Variants in NPAS3 observed in about 807,000 individuals in gnomAD.
The protein encoded by NPAS3 is neuronal PAS domain protein 3.
A neutral mutation model predicts 73.1 loss-of-function variants in NPAS3; 14 were observed. The observed-to-expected ratio is 0.19, with a 90% CI of 0.13 to 0.30. The LOEUF (loss-of-function observed/expected upper bound fraction) is 0.30. Among genes scored for constraint, NPAS3 ranks in the 10% least tolerant of loss-of-function variants. The pLI, the probability that NPAS3 is intolerant of heterozygous loss-of-function variation, is 1.00. For synonymous variants in NPAS3, 620 were observed against 541.5 expected (o/e 1.14, Z -2.01); for missense variants, 1,096 against 1,250.0 (o/e 0.88, Z 1.86).
chr14:33,661,546 A>G (rs1430488891), intron 5 of NPAS3, among the ~76,000 whole-genome samples: 1 of 152,246 alleles, frequency 6.6e-6, no homozygotes, highest in Non-Finnish European at 1.5e-5. Context: ...AATGAATATT[A>G]CAATACATAT....
chr14:33,400,972 A>T (rs1330741182), intron 4 of NPAS3, among the ~76,000 whole-genome samples: 2 of 151,830 alleles, frequency 1.3e-5, no homozygotes, highest in African/African-American at 4.8e-5. Flanking sequence ...TTGAAAAGTG[A>T]TTCCCAAGTG....
At chr14:33,656,498 C>T (rs1011504639) in intron 5 of NPAS3, among the ~76,000 whole-genome samples, 6 of 152,172 alleles carry the variant, frequency 3.9e-5, no homozygotes, top group South Asian at 2.1e-4. Flanking sequence ...GGTCAAAATG[C>T]ACCCTTCCTT....
chr14:33,766,067 T>G (rs935492200), intron 7 of NPAS3, among the ~76,000 whole-genome samples: 2 of 152,164 alleles, frequency 1.3e-5, no homozygotes, highest in East Asian at 3.8e-4. Flanking sequence ...AAGAACAAAA[T>G]AGGTTTTCCC....
intron 4 of NPAS3, among the ~76,000 whole-genome samples, chr14:33,441,067 C>A (rs545042588): frequency 6.6e-6 from 1 of 152,154 alleles, no homozygotes; most frequent in Non-Finnish European, 1.5e-5. Flanking sequence ...ATTGGACTTG[C>A]ATAAGTCCAC....
chr14:33,475,479 T>C (rs1317963182), intron 4 of NPAS3, among the ~76,000 whole-genome samples: 1 of 150,922 alleles, frequency 6.6e-6, no homozygotes, highest in Admixed American at 6.6e-5. Flanking sequence ...AGCATATCGA[T>C]GCCACAGTCT....
chr14:33,592,267 G>A (rs1435178364), intron 5 of NPAS3, among the ~76,000 whole-genome samples: 1 of 152,060 alleles, frequency 6.6e-6, no homozygotes, highest in Non-Finnish European at 1.5e-5. Flanking sequence ...TTTATCACAT[G>A]GAAAATCATG....
chr14:33,320,277 G>C (rs2043383887), intron 3 of NPAS3, among the ~76,000 whole-genome samples: 1 of 152,082 alleles, frequency 6.6e-6, no homozygotes, highest in Non-Finnish European at 1.5e-5. Flanking sequence ...TGACAGCCTT[G>C]AGAGGATACA....
chr14:33,619,167 T>A (rs1244885574), intron 5 of NPAS3, among the ~76,000 whole-genome samples: 2 of 152,206 alleles, frequency 1.3e-5, no homozygotes, highest in African/African-American at 4.8e-5. Context: ...ATCAGAAAAG[T>A]CAGCTTCATA....
chr14:33,797,663 T>C, intron 11 of NPAS3, 82 bp downstream of exon 11: 2 of 1,421,496 alleles, frequency 1.4e-6, no homozygotes, highest in Non-Finnish European at 1.9e-6. Flanking sequence ...AGGGCCATCA[T>C]CAGAGGCAAA....
At chr14:33,000,044 T>G (rs1262094332) in intron 1 of NPAS3, among the ~76,000 whole-genome samples, 1 of 152,200 alleles carries the variant, frequency 6.6e-6, no homozygotes, top group Non-Finnish European at 1.5e-5. Context: ...CCCTTCACTC[T>G]GCTGGGGGAA....
chr14:33,016,097 C>T (rs1045410669), intron 1 of NPAS3, among the ~76,000 whole-genome samples: 8 of 151,898 alleles, frequency 5.3e-5, no homozygotes, highest in African/African-American at 1.7e-4. Flanking sequence ...GATGCTTTGC[C>T]CTAAAAAACA....
At chr14:33,641,625 G>A (rs915639799) in intron 5 of NPAS3, among the ~76,000 whole-genome samples, 6 of 151,790 alleles carry the variant, frequency 4.0e-5, no homozygotes, top group Non-Finnish European at 7.4e-5. Flanking sequence ...CCTCTCTCCT[G>A]ATGGAGAGCA....
At chr14:33,710,525 TCTC>T (rs1237290309) in intron 6 of NPAS3, among the ~76,000 whole-genome samples, 1 of 152,166 alleles carries the variant, frequency 6.6e-6, no homozygotes. Context: ...GCCGCATTCT[TCTC>T]CTACAAGCCC....
intron 3 of NPAS3, among the ~76,000 whole-genome samples, chr14:33,334,855 G>A (rs899788537): frequency 6.6e-6 from 1 of 152,078 alleles, no homozygotes; most frequent in Non-Finnish European, 1.5e-5. Context: ...ACAGTTCAAT[G>A]TATCATTCTT....
intron 6 of NPAS3, among the ~76,000 whole-genome samples, chr14:33,731,316 G>A (rs1405583772): frequency 6.6e-6 from 1 of 151,776 alleles, no homozygotes; most frequent in Admixed American, 6.6e-5. Flanking sequence ...CTACTCAGGA[G>A]GCTGAGGCAG....
intron 4 of NPAS3, among the ~76,000 whole-genome samples, chr14:33,401,409 G>A (rs538907862): frequency 6.6e-5 from 10 of 152,214 alleles, no homozygotes; most frequent in South Asian, 2.1e-4. Flanking sequence ...TTGTATTGGC[G>A]TAGGGAAGTG....
chr14:32,939,998 GGCAACTTGTGGGTCTCCCGCTCT>G (rs1319188267), intron 1 of NPAS3, among the ~76,000 whole-genome samples: 1 of 152,184 alleles, frequency 6.6e-6, no homozygotes, highest in African/African-American at 2.4e-5. Flanking sequence ...CCCTCCGCTC[GGCAACTTGTGGGTCTCCCGCTCT>G]GCCCTCCGCT....
intron 4 of NPAS3, among the ~76,000 whole-genome samples, chr14:33,407,696 C>T (rs2047729724): frequency 6.6e-6 from 1 of 152,046 alleles, no homozygotes; most frequent in South Asian, 2.1e-4. Context: ...TCTCCGTTTT[C>T]CCCACCTTCT....
intron 1 of NPAS3, among the ~76,000 whole-genome samples, chr14:33,016,487 A>G (rs868247807): frequency 1.3e-5 from 2 of 152,080 alleles, no homozygotes; most frequent in South Asian, 2.1e-4. Flanking sequence ...TAAAATTCTG[A>G]CAATAACTGA....
Sources: allele counts gnomAD v4.1 joint callset (sites outside exome capture counted in the v4.1 genomes callset), GRCh38; gene constraint gnomAD v4.1.1; transcripts MANE v1.5; gene names NCBI Gene and HGNC (gene_info 2026-07-23, HGNC 2026-07-21).